CLSTN2: variants seen among roughly 807,000 people sequenced by gnomAD.
The protein encoded by CLSTN2 is calsyntenin 2, also known as calsyntenin-2.
In CLSTN2, 48 loss-of-function variants were observed where a neutral mutation model predicts 101.2. The observed-to-expected ratio is 0.47, with a 90% CI of 0.38 to 0.60. The LOEUF is 0.60. CLSTN2 is among the 20% of genes least tolerant of loss of function. CLSTN2 has a pLI of 0.00. For missense variants in CLSTN2, 1,160 were observed against 1,238.2 expected (o/e 0.94, Z 0.95); for synonymous variants, 481 against 463.6 (o/e 1.04, Z -0.48).
chr3:140,540,991 C>T (rs1935464334), intron 9 of CLSTN2, among the ~76,000 whole-genome samples: 1 of 152,228 alleles, frequency 6.6e-6, no homozygotes, highest in East Asian at 1.9e-4. Context: ...ATTCCAGCAA[C>T]CTTAACACCA....
At chr3:140,180,091 G>A (rs1456601729) in intron 2 of CLSTN2, among the ~76,000 whole-genome samples, 1 of 152,172 alleles carries the variant, frequency 6.6e-6, no homozygotes, top group Non-Finnish European at 1.5e-5. Flanking sequence ...TTGTTGTTTT[G>A]ATGAAATTTA....
At chr3:140,113,935 C>T (rs4368461) in intron 1 of CLSTN2, among the ~76,000 whole-genome samples, 50,213 of 152,002 alleles carry the variant, frequency 0.33, 9,747 homozygotes, top group East Asian at 0.56. Flanking sequence ...TTCATAATTG[C>T]GGGAAAGCCA....
chr3:140,369,137 A>G (rs536167299), intron 2 of CLSTN2, among the ~76,000 whole-genome samples: 19 of 152,346 alleles, frequency 1.2e-4, no homozygotes, highest in East Asian at 3.9e-4. Flanking sequence ...TTTTAAATAA[A>G]TAAATGAGTC....
At chr3:140,340,676 G>A (rs1279738153) in intron 2 of CLSTN2, among the ~76,000 whole-genome samples, 1 of 152,144 alleles carries the variant, frequency 6.6e-6, no homozygotes, top group Non-Finnish European at 1.5e-5. Flanking sequence ...TTAATGAGCT[G>A]ATATTTATAC....
At chr3:140,097,926 T>A (rs2008898378) in intron 1 of CLSTN2, among the ~76,000 whole-genome samples, 1 of 152,166 alleles carries the variant, frequency 6.6e-6, no homozygotes, top group Non-Finnish European at 1.5e-5. Flanking sequence ...CAAATGAAAG[T>A]TTATTTCCTG....
At chr3:140,063,350 G>A (rs994961681) in intron 1 of CLSTN2, among the ~76,000 whole-genome samples, 6 of 152,212 alleles carry the variant, frequency 3.9e-5, no homozygotes, top group African/African-American at 1.4e-4. Flanking sequence ...TCTGGCACTT[G>A]AGTGGTGTCT....
intron 1 of CLSTN2, among the ~76,000 whole-genome samples, chr3:140,093,743 G>A (rs551448107): frequency 6.6e-6 from 1 of 152,254 alleles, no homozygotes; most frequent in South Asian, 2.1e-4. Flanking sequence ...AATGGCATAA[G>A]GTGAACATGG....
intron 1 of CLSTN2, among the ~76,000 whole-genome samples, chr3:140,143,315 G>A (rs1367793430): frequency 6.6e-6 from 1 of 152,118 alleles, no homozygotes; most frequent in Non-Finnish European, 1.5e-5. Context: ...AAAGCTAGTG[G>A]TATAATTCAT....
intron 2 of CLSTN2, among the ~76,000 whole-genome samples, chr3:140,180,284 C>A (rs148321714): frequency 1.3e-5 from 2 of 152,322 alleles, no homozygotes; most frequent in East Asian, 3.9e-4. Flanking sequence ...AGAGCCAGGG[C>A]TTCTCAGCAC....
chr3:139,944,337 A>G (rs911933378), intron 1 of CLSTN2, among the ~76,000 whole-genome samples: 9 of 152,204 alleles, frequency 5.9e-5, no homozygotes, highest in Non-Finnish European at 1.3e-4. Context: ...GATTTAAAAT[A>G]ACACCAATGC....
intron 7 of CLSTN2, among the ~76,000 whole-genome samples, chr3:140,465,717 CTGAAGCTCTGAGAGGTGAAA>C (rs1213800030): frequency 7.2e-5 from 11 of 152,166 alleles, no homozygotes; most frequent in Non-Finnish European, 1.6e-4. Context: ...GTTAAGGAAA[CTGAAGCTCTGAGAGGTGAAA>C]TGATTCTCTC....
chr3:140,236,639 G>A (rs565908879), intron 2 of CLSTN2, among the ~76,000 whole-genome samples: 15 of 152,072 alleles, frequency 9.9e-5, no homozygotes, highest in East Asian at 7.7e-4. Flanking sequence ...ATAGCTCACC[G>A]ATGCTCTATT....
chr3:140,179,688 T>C (rs547046205), intron 2 of CLSTN2, among the ~76,000 whole-genome samples: 47 of 150,808 alleles, frequency 3.1e-4, no homozygotes, highest in Admixed American at 1.5e-3. Context: ...TACTATACCT[T>C]ATTTTTTCAC....
intron 5 of CLSTN2, among the ~76,000 whole-genome samples, chr3:140,442,879 G>A (rs1199695009): frequency 6.6e-6 from 1 of 152,146 alleles, no homozygotes; most frequent in African/African-American, 2.4e-5. Context: ...CAATTCAGAT[G>A]CACTGGATGG....
rs188034462 is a variant in CLSTN2 at position 139,940,915 on chromosome 3, G to T, written c.109+5432G>T. Among the ~76,000 whole-genome samples, 225 of 152,164 alleles carry T rather than the reference G, an allele frequency of 1.5e-3. 3 individuals are homozygous for T. In the South Asian group the frequency reaches 0.019, roughly 13 times the overall value. On this transcript the variant is annotated intron_variant, in intron 1 of 16. Transcript: ENST00000458420. ...TAGTGCCAGAGGTGTGGGAGGTTCTGGTCTCTGGAGGGAGAGCTTATGTGG... is the reference window on the plus strand; with the variant it reads ...TAGTGCCAGAGGTGTGGGAGGTTCTTGTCTCTGGAGGGAGAGCTTATGTGG...
At chr3:140,449,150 T>C (rs1933175829) in intron 6 of CLSTN2, among the ~76,000 whole-genome samples, 1 of 152,186 alleles carries the variant, frequency 6.6e-6, no homozygotes, top group Admixed American at 6.5e-5. Flanking sequence ...GCCAGCTATA[T>C]AATTTGTGGG....
chr3:140,513,550 G>A (rs1376442650), intron 8 of CLSTN2, among the ~76,000 whole-genome samples: 1 of 149,728 alleles, frequency 6.7e-6, no homozygotes, highest in East Asian at 2.0e-4. Flanking sequence ...GTTCATCAAG[G>A]ATACTGACCT....
chr3:140,180,345 C>A (rs769567110), intron 2 of CLSTN2, among the ~76,000 whole-genome samples: 3 of 152,150 alleles, frequency 2.0e-5, no homozygotes, highest in Non-Finnish European at 4.4e-5. Context: ...CTCTGCCCTA[C>A]CTGATTAGTA....
At position 140,311,871 on chromosome 3, in the gene CLSTN2, A is replaced by G. The variant is rs553158349; in HGVS notation, c.233-91758A>G. Among the ~76,000 whole-genome samples, 30 of 152,282 alleles carry G rather than the reference A, an allele frequency of 2.0e-4. No homozygotes were observed. The South Asian group carries it at 6.0e-3, about 31-fold the overall frequency. On this transcript the variant is annotated intron_variant, in intron 2 of 16. Transcript: ENST00000458420. ...TAGATGGAGGAACAAACTTTTGCTAATGAATCACCCAGGGAATGAGAAGGC... is the reference window on the plus strand; with the variant it reads ...TAGATGGAGGAACAAACTTTTGCTAGTGAATCACCCAGGGAATGAGAAGGC...
Sources: gnomAD v4.1 joint callset for allele counts (sites outside exome capture counted in the v4.1 genomes callset) on GRCh38, gnomAD v4.1.1 for gene constraint, MANE v1.5 for transcripts, NCBI Gene and HGNC (gene_info 2026-07-23, HGNC 2026-07-21) for gene names.